TENM1: variants seen among roughly 807,000 people sequenced by gnomAD.
TENM1 encodes the protein teneurin-1.
A neutral mutation model predicts 174.8 loss-of-function variants in TENM1; 35 were observed. The ratio of observed to expected loss-of-function variants is 0.20; its 90% CI spans 0.15 to 0.27. The LOEUF (loss-of-function observed/expected upper bound fraction) is 0.27, where lower values mean the gene tolerates loss of function less well. TENM1 is among the 10% of genes least tolerant of loss of function. The probability of loss-of-function intolerance (pLI) is 1.00; values close to 1 mark genes in which losing one functional copy is unlikely to be tolerated. For missense variants in TENM1, 1,633 were observed against 2,130.1 expected, an observed-to-expected ratio of 0.77 and a Z score of 4.59; for synonymous variants, 781 against 798.7, an observed-to-expected ratio of 0.98 and a Z score of 0.37.
intron 11 of TENM1, among the ~76,000 whole-genome samples, chrX:124,621,125 T>G (rs151129548): frequency 0.015 from 1,657 of 112,015 alleles, 30 homozygotes; most frequent in African/African-American, 0.051. Flanking sequence ...GTGTTTTGGA[T>G]TTTGTACGTT....
the TENM1 span, among the ~76,000 whole-genome samples, chrX:125,118,642 G>T: frequency 1.8e-5 from 2 of 111,062 alleles, no homozygotes; most frequent in Non-Finnish European, 3.8e-5. Flanking sequence ...ATACACAAAT[G>T]GCCATTAAGC....
At chrX:124,495,452 AT>A (rs1210874025) in intron 20 of TENM1, among the ~76,000 whole-genome samples, 1 of 108,138 alleles carries the variant, frequency 9.2e-6, no homozygotes, top group Non-Finnish European at 1.9e-5. Context: ...ATTTTCTCCC[AT>A]TTTGTAGGTT....
chrX:124,888,832 CA>C (rs746513387), intron 3 of TENM1, among the ~76,000 whole-genome samples: 36 of 112,025 alleles, frequency 3.2e-4, no homozygotes, highest in East Asian at 2.0e-3. Flanking sequence ...ATCCTCACCA[CA>C]AAAACTCCCA....
chrX:125,153,553 T>C, the TENM1 span, among the ~76,000 whole-genome samples: 5 of 112,420 alleles, frequency 4.4e-5, no homozygotes, highest in Non-Finnish European at 1.9e-5. Flanking sequence ...CTAACATTTG[T>C]AGAGCTTTCA....
the TENM1 span, among the ~76,000 whole-genome samples, chrX:125,002,951 C>A: frequency 1.8e-5 from 2 of 111,881 alleles, no homozygotes; most frequent in South Asian, 7.4e-4. Context: ...GAAATTTTTG[C>A]AGTCCTTAAT....
chrX:125,064,066 A>T, the TENM1 span, among the ~76,000 whole-genome samples: 1 of 109,898 alleles, frequency 9.1e-6, no homozygotes, highest in Admixed American at 9.7e-5. Flanking sequence ...AAGGACAAAA[A>T]ACCAAACACC....
At chrX:125,079,168 T>C in the TENM1 span, among the ~76,000 whole-genome samples, 1 of 111,546 alleles carries the variant, frequency 9.0e-6, no homozygotes, top group African/African-American at 3.3e-5. Context: ...TAAATAGCAA[T>C]GCAAGACTGA....
intron 1 of TENM1, among the ~76,000 whole-genome samples, chrX:124,904,945 C>T (rs1216813187): frequency 9.0e-6 from 1 of 111,310 alleles, no homozygotes; most frequent in African/African-American, 3.3e-5. Context: ...TTGTAGAATG[C>T]CCTGGAGTGG....
chrX:124,950,968 A>ATGTCATGT (rs1186757581), intron 1 of TENM1, among the ~76,000 whole-genome samples: 5 of 111,960 alleles, frequency 4.5e-5, no homozygotes, highest in Admixed American at 9.5e-5. Flanking sequence ...TTGAATTCGG[A>ATGTCATGT]TGTCATGTAA....
chrX:124,958,054 T>G (rs1346710132), intron 1 of TENM1, among the ~76,000 whole-genome samples: 1 of 111,764 alleles, frequency 8.9e-6, no homozygotes, highest in Non-Finnish European at 1.9e-5. Flanking sequence ...AGCTAGCCTG[T>G]GTGCCTCTAG....
the TENM1 span, among the ~76,000 whole-genome samples, chrX:125,105,320 T>C: frequency 9.0e-6 from 1 of 111,048 alleles, no homozygotes; most frequent in Non-Finnish European, 1.9e-5. Flanking sequence ...CATGCAGAAA[T>C]CTCAGATTTC....
intron 1 of TENM1, among the ~76,000 whole-genome samples, chrX:124,962,857 A>C (rs2058676097): frequency 9.0e-6 from 1 of 111,614 alleles, no homozygotes; most frequent in Non-Finnish European, 1.9e-5. Flanking sequence ...CAAAACAAAA[A>C]AACAAAAAAC....
At chrX:125,200,437 C>T in the TENM1 span, among the ~76,000 whole-genome samples, 1 of 111,204 alleles carries the variant, frequency 9.0e-6, no homozygotes, top group African/African-American at 3.3e-5. Flanking sequence ...TATTTTTCAT[C>T]TGCCTGTAGT....
chrX:125,026,574 G>A, the TENM1 span, among the ~76,000 whole-genome samples: 3 of 111,690 alleles, frequency 2.7e-5, no homozygotes, highest in Non-Finnish European at 5.6e-5. Context: ...ACAAAAATCT[G>A]ACAAGGGCAA....
the TENM1 span, among the ~76,000 whole-genome samples, chrX:124,980,225 T>C: frequency 9.0e-6 from 1 of 110,732 alleles, no homozygotes; most frequent in East Asian, 2.8e-4. Context: ...AAAAAAGTCA[T>C]GGAGGAAAGA....
chrX:124,653,650 A>G, exon 7 of TENM1: 1 of 1,211,162 alleles, frequency 8.3e-7, no homozygotes, highest in Non-Finnish European at 1.1e-6. Flanking sequence ...TGGCTAAAGA[A>G]ATATTGAACT....
intron 5 of TENM1, among the ~76,000 whole-genome samples, chrX:124,698,821 C>A (rs1390952936): frequency 9.0e-6 from 1 of 111,493 alleles, no homozygotes. Flanking sequence ...TGCTTTTCAA[C>A]CTTTCTGTGA....
chrX:124,879,480 T>A (rs1048940067), intron 3 of TENM1, among the ~76,000 whole-genome samples: 11 of 112,310 alleles, frequency 9.8e-5, no homozygotes, highest in Non-Finnish European at 1.3e-4. Flanking sequence ...TAATATTCCA[T>A]CATATATATG....
chrX:124,407,144 A>G (rs1422088000), intron 25 of TENM1, among the ~76,000 whole-genome samples: 2 of 109,685 alleles, frequency 1.8e-5, no homozygotes, highest in South Asian at 4.0e-4. Flanking sequence ...TATGAGTAAG[A>G]GACAAAAAAT....
Sources: allele counts gnomAD v4.1 joint callset (sites outside exome capture counted in the v4.1 genomes callset), GRCh38; gene constraint gnomAD v4.1.1; transcripts MANE v1.5; gene names NCBI Gene and HGNC (gene_info 2026-07-23, HGNC 2026-07-21).